Variants in KIFC3 observed in about 807,000 individuals in gnomAD.
KIFC3 encodes the protein kinesin-like protein KIFC3.
KIFC3 carries 60 observed loss-of-function variants against 101.8 expected under a neutral mutation model. The ratio of observed to expected loss-of-function variants is 0.59; its 90% CI spans 0.48 to 0.73. The LOEUF (loss-of-function observed/expected upper bound fraction) is 0.73. Ranked by LOEUF, KIFC3 falls within the 30% of genes least tolerant of loss-of-function variation. The probability of loss-of-function intolerance (pLI) is 0.00; values close to 1 mark genes in which losing one functional copy is unlikely to be tolerated. For synonymous variants in KIFC3, 476 were observed against 482.7 expected (o/e 0.99, Z 0.18); for missense variants, 966 against 1,137.1 (o/e 0.85, Z 2.16).
intron 1 of KIFC3, among the ~76,000 whole-genome samples, chr16:57,851,760 A>G (rs1399788500): frequency 3.4e-5 from 5 of 145,222 alleles, no homozygotes; most frequent in African/African-American, 1.3e-4. Flanking sequence ...TGTTTTCGAG[A>G]TGGTAGTCTC....
chr16:57,780,835 C>T (rs948641139), intron 3 of KIFC3, among the ~76,000 whole-genome samples: 12 of 151,534 alleles, frequency 7.9e-5, no homozygotes, highest in East Asian at 2.0e-4. Context: ...CCACCATGCC[C>T]GGCTAATTTT....
rs1555596224 is a variant in KIFC3, at chr16:57,760,914, C to T, written c.2044G>A (p.Gly682Ser). ...LVDLAGSERV[G>S]KSGAEGSRLR... ...CGGCTGCCCTCGGCCCCCGACTTGC[C>T]CACGCGCTCCGAGCCAGCCAAGTCC... is the stretch of plus-strand genomic sequence containing the variant. Residue 682 changes from glycine (G) to serine (S), a missense_variant, in exon 16 of 20, where the codon GGC becomes AGC. Physicochemically the swap from Gly to Ser is moderately conservative, Grantham distance 56. Transcript: ENST00000445690. 3 of 1,608,016 alleles carry T rather than the reference C, an allele frequency of 1.9e-6. No individual in the cohort carries two copies. Among genetic ancestry groups the T allele is most frequent in the Non-Finnish European group, 2.5e-6 (3 of 1,179,138 alleles).
chr16:57,760,255 G>T, intron 17 of KIFC3, 27 bp downstream of exon 17: 1 of 1,597,480 alleles, frequency 6.3e-7, no homozygotes. Flanking sequence ...AGGGCCACCT[G>T]AGCCAGGCCT....
chr16:57,828,614 C>G (rs782681615), intron 1 of KIFC3, among the ~76,000 whole-genome samples: 5 of 152,306 alleles, frequency 3.3e-5, no homozygotes, highest in East Asian at 3.9e-4. Flanking sequence ...TGATGGATCC[C>G]GTCTCTGGCA....
chr16:57,806,030 C>T (rs570270245), upstream of KIFC3, among the ~76,000 whole-genome samples: 21 of 152,268 alleles, frequency 1.4e-4, no homozygotes, highest in African/African-American at 4.3e-4. Context: ...TGAGCCACCA[C>T]ACCTGACCCA....
At chr16:57,777,375 G>A (rs2052224398) in intron 3 of KIFC3, among the ~76,000 whole-genome samples, 1 of 152,204 alleles carries the variant, frequency 6.6e-6, no homozygotes, top group Non-Finnish European at 1.5e-5. Flanking sequence ...AGCTAAAACA[G>A]TCTTGAAAGA....
intron 3 of KIFC3, among the ~76,000 whole-genome samples, chr16:57,781,627 G>A (rs1246824494): frequency 6.6e-6 from 1 of 152,198 alleles, no homozygotes; most frequent in Non-Finnish European, 1.5e-5. Context: ...GCAATGAGGA[G>A]GTCTGAGAAG....
chr16:57,857,022 G>A (rs879568979), intron 1 of KIFC3, among the ~76,000 whole-genome samples: 16 of 152,096 alleles, frequency 1.1e-4, no homozygotes, highest in East Asian at 1.9e-4. Context: ...GCATTACCCC[G>A]ATACCAATGA....
At chr16:57,842,865 C>T (rs2055840528) in intron 1 of KIFC3, among the ~76,000 whole-genome samples, 1 of 152,156 alleles carries the variant, frequency 6.6e-6, no homozygotes, top group African/African-American at 2.4e-5. Context: ...GGCACAGTGG[C>T]TCATGCCTGC....
In KIFC3 at chr16:57,795,049, C is replaced by A. The variant is rs782516355; in HGVS notation, c.265G>T (p.Val89Leu). The A allele has an allele frequency of 8.7e-6, 14 of 1,602,396 alleles. No individual in the cohort carries two copies. Among genetic ancestry groups the A allele is most frequent in the Non-Finnish European group, 1.2e-5 (14 of 1,175,628 alleles). Reference protein sequence around the residue: ...PALAQCRALSVDWAGPGSPHG... With the variant: ...PALAQCRALSLDWAGPGSPHG... ...GGGCTTCCGGGGCCAGCCCAGTCCACGCTAAGGGCTCGGCACTGAGCTAGG... is the reference window on the plus strand; with the variant it reads ...GGGCTTCCGGGGCCAGCCCAGTCCAAGCTAAGGGCTCGGCACTGAGCTAGG... Residue 89 changes from valine (V) to leucine (L), a missense_variant, in exon 3 of 20, where the codon GTG becomes TTG. Val to Leu is a conservative substitution (Grantham distance 32). Around this residue, in one of 2 missense-constraint regions of KIFC3, gnomAD observed 277 missense variants for 252.5 expected, o/e 1.10. Transcript: ENST00000445690.
At chr16:57,845,296 C>G (rs1013218243) in intron 1 of KIFC3, among the ~76,000 whole-genome samples, 2 of 152,308 alleles carry the variant, frequency 1.3e-5, no homozygotes, top group East Asian at 1.9e-4. Context: ...AGTGCCCCCA[C>G]CATCCCTCCC....
At chr16:57,844,578 G>A (rs2055879916) in intron 1 of KIFC3, among the ~76,000 whole-genome samples, 1 of 152,114 alleles carries the variant, frequency 6.6e-6, no homozygotes, top group Admixed American at 6.5e-5. Flanking sequence ...TATCTTTGTT[G>A]GAGGTGCTGG....
At position 57,794,982 on chromosome 16, in the gene KIFC3, A is replaced by C; in HGVS notation, c.315+17T>G. The C allele has an allele frequency of 3.3e-6, 5 of 1,536,308 alleles. No individual in the cohort carries two copies. The highest frequency in any genetic ancestry group is 4.3e-6 in the Non-Finnish European group (5 of 1,151,526). On this transcript the variant is annotated intron_variant, in intron 3 of 19. Transcript: ENST00000445690. ...GAGAGCCAAGGCACATGCAGCCTGG[A>C]AGGCCCCAGTGCTTACCTGCAGGGT...
At chr16:57,840,337 C>T (rs1372592991) in intron 1 of KIFC3, among the ~76,000 whole-genome samples, 1 of 151,738 alleles carries the variant, frequency 6.6e-6, no homozygotes, top group Admixed American at 6.6e-5. Flanking sequence ...GACTCTGTCT[C>T]GAAAACAAAC....
intron 1 of KIFC3, chr16:57,798,759 A>C: frequency 5.6e-6 from 1 of 179,686 alleles, no homozygotes; most frequent in Non-Finnish European, 1.2e-5. Context: ...TCTGAATATT[A>C]ACATTTCACT....
intron 1 of KIFC3, among the ~76,000 whole-genome samples, chr16:57,832,980 G>A (rs1279595992): frequency 6.6e-6 from 1 of 152,144 alleles, no homozygotes; most frequent in African/African-American, 2.4e-5. Flanking sequence ...GGCTGAAGCA[G>A]GTGGATCACC....
chr16:57,838,531 G>A (rs1374110064), intron 1 of KIFC3, among the ~76,000 whole-genome samples: 3 of 152,148 alleles, frequency 2.0e-5, no homozygotes, highest in African/African-American at 7.2e-5. Context: ...GACGGTGTTC[G>A]GAAAGCACAG....
chr16:57,764,463 GCCAGTGCCTGCTGCCCTTCCC>G (rs2050223671), intron 11 of KIFC3: 2 of 548,572 alleles, frequency 3.6e-6, no homozygotes, highest in East Asian at 3.1e-5. Flanking sequence ...GGGAAGACAG[GCCAGTGCCTGCTGCCCTTCCC>G]CCAGCTCCTC....
intron 1 of KIFC3, among the ~76,000 whole-genome samples, chr16:57,835,792 A>T (rs943112556): frequency 6.6e-6 from 1 of 152,156 alleles, no homozygotes; most frequent in Non-Finnish European, 1.5e-5. Context: ...TCTACTAAAA[A>T]CATAAAAATT....
Sources: gnomAD v4.1 joint callset for allele counts (sites outside exome capture counted in the v4.1 genomes callset) on GRCh38, gnomAD v4.1.1 for gene constraint, gnomAD v4.1.1 regional missense constraint, MANE v1.5 for transcripts, NCBI Gene and HGNC (gene_info 2026-07-23, HGNC 2026-07-21) for gene names.